KLF12: variants seen among roughly 807,000 people sequenced by gnomAD.
KLF12 encodes Krueppel-like factor 12.
Under a neutral mutation model 37.8 loss-of-function variants are expected in KLF12, and 9 were observed. The ratio of observed to expected loss-of-function variants is 0.24; its 90% CI spans 0.14 to 0.42. The LOEUF is 0.42. Ranked by LOEUF, KLF12 falls within the 10% of genes least tolerant of loss-of-function variation. KLF12 has a pLI of 1.00. For missense variants in KLF12, 411 were observed against 516.0 expected, an observed-to-expected ratio of 0.80 and a Z score of 1.97; for synonymous variants, 208 against 202.1, an observed-to-expected ratio of 1.03 and a Z score of -0.25.
intron 1 of KLF12, among the ~76,000 whole-genome samples, chr13:74,117,435 T>A (rs1464938514): frequency 6.6e-6 from 1 of 152,126 alleles, no homozygotes; most frequent in African/African-American, 2.4e-5. Flanking sequence ...TGACTCCACA[T>A]GTAAGATATA....
At chr13:73,988,608 G>A (rs1891887031) in intron 2 of KLF12, among the ~76,000 whole-genome samples, 2 of 152,096 alleles carry the variant, frequency 1.3e-5, no homozygotes, top group South Asian at 2.1e-4. Context: ...GAGAATTGGC[G>A]ATGATTCTAT....
intron 1 of KLF12, among the ~76,000 whole-genome samples, chr13:74,130,181 C>T (rs558177642): frequency 1.3e-5 from 2 of 152,140 alleles, no homozygotes; most frequent in Non-Finnish European, 2.9e-5. Flanking sequence ...AATATTTTTA[C>T]CCTTACATTC....
chr13:73,756,261 T>C (rs1280900547), intron 6 of KLF12, among the ~76,000 whole-genome samples: 1 of 152,224 alleles, frequency 6.6e-6, no homozygotes, highest in Non-Finnish European at 1.5e-5. Context: ...CTTTATGCAT[T>C]TCATAGGCAG....
chr13:74,252,553 G>C, the KLF12 span, among the ~76,000 whole-genome samples: 3 of 152,264 alleles, frequency 2.0e-5, no homozygotes, highest in African/African-American at 7.2e-5. Flanking sequence ...GTGGAGAGGG[G>C]TTGGCCACTA....
chr13:74,046,859 A>C (rs1893560961), intron 1 of KLF12, among the ~76,000 whole-genome samples: 1 of 152,208 alleles, frequency 6.6e-6, no homozygotes, highest in African/African-American at 2.4e-5. Flanking sequence ...TTTCCTTACT[A>C]TACCATATAA....
At chr13:73,850,414 T>C (rs975009755) in intron 3 of KLF12, among the ~76,000 whole-genome samples, 1 of 152,228 alleles carries the variant, frequency 6.6e-6, no homozygotes, top group African/African-American at 2.4e-5. Flanking sequence ...TACTTGTTAG[T>C]TCCCAGAGTA....
chr13:73,738,068 T>C (rs9543437), intron 6 of KLF12, among the ~76,000 whole-genome samples: 69 of 144,740 alleles, frequency 4.8e-4, no homozygotes, highest in South Asian at 3.3e-3. Flanking sequence ...TATATATATA[T>C]ACACACACAT....
chr13:73,956,806 T>C (rs1459412962), intron 2 of KLF12, among the ~76,000 whole-genome samples: 1 of 151,902 alleles, frequency 6.6e-6, no homozygotes, highest in Non-Finnish European at 1.5e-5. Context: ...TGTGCACCTA[T>C]AGTCCCAGCT....
chr13:74,024,033 T>G (rs886109197), intron 1 of KLF12, among the ~76,000 whole-genome samples: 4 of 152,222 alleles, frequency 2.6e-5, no homozygotes, highest in African/African-American at 9.6e-5. Context: ...AAATATCAAG[T>G]TGTGTATGGC....
chr13:73,864,509 TC>T (rs1886079399), intron 3 of KLF12, among the ~76,000 whole-genome samples: 1 of 151,958 alleles, frequency 6.6e-6, no homozygotes, highest in Admixed American at 6.6e-5. Flanking sequence ...TTGTAAATAG[TC>T]CCCAGTATGA....
the KLF12 span, among the ~76,000 whole-genome samples, chr13:74,246,192 G>A: frequency 0.017 from 2,537 of 152,206 alleles, 82 homozygotes; most frequent in African/African-American, 0.058. Context: ...AAGTGGATAC[G>A]TGCTGTTTTA....
At chr13:73,966,386 GA>G (rs886844927) in intron 2 of KLF12, among the ~76,000 whole-genome samples, 54 of 151,182 alleles carry the variant, frequency 3.6e-4, no homozygotes, top group African/African-American at 1.2e-3. Context: ...AGAACTAAAA[GA>G]AAAAAAAGTA....
At chr13:74,125,372 A>T (rs1877885876) in intron 1 of KLF12, among the ~76,000 whole-genome samples, 1 of 152,130 alleles carries the variant, frequency 6.6e-6, no homozygotes, top group Admixed American at 6.5e-5. Context: ...ATTACCTTAC[A>T]TTATAATGTG....
chr13:74,017,001 C>T (rs900893188), intron 1 of KLF12, among the ~76,000 whole-genome samples: 17 of 151,786 alleles, frequency 1.1e-4, no homozygotes, highest in Admixed American at 3.3e-4. Flanking sequence ...CAGAAAAGGC[C>T]GGACTCAAAA....
At chr13:74,152,051 G>C in the KLF12 span, among the ~76,000 whole-genome samples, 1 of 152,256 alleles carries the variant, frequency 6.6e-6, no homozygotes, top group East Asian at 1.9e-4. Flanking sequence ...TTCCAAGCAC[G>C]AGGGTGGCCT....
chr13:73,995,439 A>G (rs1225971833), intron 1 of KLF12, among the ~76,000 whole-genome samples: 1 of 152,224 alleles, frequency 6.6e-6, no homozygotes, highest in Non-Finnish European at 1.5e-5. Flanking sequence ...GAGAAGTCCC[A>G]AATACTCAAA....
rs368757239 is a variant in KLF12, at chr13:73,845,808, G to T, written c.670+19C>A. 20 of 1,598,258 alleles carry T rather than the reference G, an allele frequency of 1.3e-5. No individual in the cohort carries two copies. In the African/African-American group the frequency reaches 2.4e-4, roughly 19 times the overall value. On this transcript the variant is annotated intron_variant, in intron 4 of 7. Transcript: ENST00000377669. Reference sequence around the variant, plus strand: ...ACCTCTAGTGCTGAAATAAATCAAGGCTTGTTTATGTCTCTTACCTTTGCC... The same window carrying T: ...ACCTCTAGTGCTGAAATAAATCAAGTCTTGTTTATGTCTCTTACCTTTGCC...
chr13:74,000,158 A>T (rs1221923127), intron 1 of KLF12, among the ~76,000 whole-genome samples: 1 of 152,062 alleles, frequency 6.6e-6, no homozygotes, highest in Non-Finnish European at 1.5e-5. Context: ...TCCTATTTCT[A>T]CCCCCCTACA....
intron 5 of KLF12, among the ~76,000 whole-genome samples, chr13:73,781,442 A>C (rs772387097): frequency 6.6e-6 from 1 of 152,226 alleles, no homozygotes; most frequent in Non-Finnish European, 1.5e-5. Context: ...CATCATTGTT[A>C]TTACAAAATG....
Sources: gnomAD v4.1 joint callset for allele counts (sites outside exome capture counted in the v4.1 genomes callset) on GRCh38, gnomAD v4.1.1 for gene constraint, MANE v1.5 for transcripts, NCBI Gene and HGNC (gene_info 2026-07-23, HGNC 2026-07-21) for gene names.